EXOC5: variants seen among roughly 807,000 people sequenced by gnomAD.
EXOC5 encodes exocyst complex component 5.
Under a neutral mutation model 90.8 loss-of-function variants are expected in EXOC5, and 17 were observed. That is an observed-to-expected ratio of 0.19 (90% CI 0.13 to 0.28). The LOEUF is 0.28. EXOC5 is among the 10% of genes least tolerant of loss of function. The pLI is 1.00. For missense variants in EXOC5, 569 were observed against 830.6 expected (o/e 0.69, Z 3.87); for synonymous variants, 260 against 270.0 (o/e 0.96, Z 0.36).
Position 57,209,710 on chromosome 14 carries a change from C to T in EXOC5, c.1795G>A (p.Val599Met), listed in dbSNP as rs748684300. 2 of 1,613,012 alleles carry T rather than the reference C, an allele frequency of 1.2e-6. No homozygotes were observed. The highest frequency in any genetic ancestry group is 1.7e-6 in the Non-Finnish European group (2 of 1,179,354). The change falls in exon 17 of 18, where the codon GTG becomes ATG. Residue 599 changes from valine (V) to methionine (M), a missense_variant. Val to Met is a conservative substitution (Grantham distance 21, BLOSUM62 1). Coordinates refer to ENST00000621441, the MANE Select transcript of EXOC5 (RefSeq NM_006544.4). ...KIKNSMDGKN[V>M]DTVLMELGVR... ...CCAAGTTCCATCAAAACTGTATCCA[C>T]ATTCTTCCCATCCATGGAATTTTTA...
chr14:57,249,343 T>A (rs1884120446), intron 1 of EXOC5, among the ~76,000 whole-genome samples: 2 of 152,208 alleles, frequency 1.3e-5, no homozygotes, highest in Non-Finnish European at 2.9e-5. Context: ...GTATACTTAA[T>A]AATCTTAGTT....
chr14:57,224,380 G>T (rs1333802420), intron 12 of EXOC5, among the ~76,000 whole-genome samples: 1 of 152,060 alleles, frequency 6.6e-6, no homozygotes, highest in Non-Finnish European at 1.5e-5. Flanking sequence ...CTAATATTAG[G>T]AAAGTGGTGA....
In EXOC5 at chr14:57,253,832, C is replaced by T. The variant is rs8018266; in HGVS notation, c.28-6120G>A. On this transcript the variant is annotated intron_variant, in intron 1 of 17. Transcript: ENST00000621441. Reference sequence around the variant, plus strand: ...ATGCAAAAGCATCCTTACCTAACACCAAACAAAAATTAACTAAAAATGTCT... The same window carrying T: ...ATGCAAAAGCATCCTTACCTAACACTAAACAAAAATTAACTAAAAATGTCT... Among the ~76,000 whole-genome samples the T allele has an allele frequency of 7.7e-3, 1,170 of 152,162 alleles. 18 individuals are homozygous for T. The highest frequency in any genetic ancestry group is 0.026 in the African/African-American group (1,088 of 41,520).
chr14:57,222,213 C>A (rs1307990225), intron 13 of EXOC5, 95 bp downstream of exon 13: 6 of 593,722 alleles, frequency 1.0e-5, no homozygotes, highest in Non-Finnish European at 1.8e-5. Context: ...GAATTTGAGA[C>A]ACAGAGATGA....
At chr14:57,218,944 A>T (rs1032128820) in intron 14 of EXOC5, among the ~76,000 whole-genome samples, 1 of 152,022 alleles carries the variant, frequency 6.6e-6, no homozygotes, top group Non-Finnish European at 1.5e-5. Context: ...AATTTTTTGT[A>T]TGTATCTTTA....
chr14:57,211,855 ACT>A (rs1415155466), intron 15 of EXOC5, among the ~76,000 whole-genome samples: 1 of 151,732 alleles, frequency 6.6e-6, no homozygotes, highest in Non-Finnish European at 1.5e-5. Flanking sequence ...CTGGGGCAAG[ACT>A]CTGTCTCCAA....
chr14:57,228,706 G>A (rs118074637), intron 12 of EXOC5, among the ~76,000 whole-genome samples: 4 of 151,670 alleles, frequency 2.6e-5, no homozygotes, highest in East Asian at 1.9e-4. Flanking sequence ...GGCCTGTTGG[G>A]GGGGTGGGGG....
At chr14:57,240,301 T>C (rs1241858502) in intron 4 of EXOC5, among the ~76,000 whole-genome samples, 2 of 151,892 alleles carry the variant, frequency 1.3e-5, no homozygotes, top group African/African-American at 4.8e-5. Flanking sequence ...ATATCTCTTG[T>C]GTGTAAAGCA....
chr14:57,210,600 T>C (rs1483000266), intron 15 of EXOC5, among the ~76,000 whole-genome samples: 1 of 152,190 alleles, frequency 6.6e-6, no homozygotes, highest in Non-Finnish European at 1.5e-5. Flanking sequence ...AACGTTTATG[T>C]TCATTGAGCC....
At chr14:57,219,166 T>A (rs1883055502) in intron 14 of EXOC5, among the ~76,000 whole-genome samples, 156 bp downstream of exon 14, 1 of 152,080 alleles carries the variant, frequency 6.6e-6, no homozygotes. Context: ...ATGTTTTATT[T>A]CCTAAGAACT....
chr14:57,239,744 T>C, intron 4 of EXOC5, 85 bp from the exon 5 acceptor site: 4 of 765,916 alleles, frequency 5.2e-6, no homozygotes, highest in Non-Finnish European at 8.4e-6. Context: ...TAGTAATATC[T>C]CCCTGCATGT....
intron 13 of EXOC5, among the ~76,000 whole-genome samples, chr14:57,220,622 A>G (rs1219757136): frequency 6.6e-6 from 1 of 151,936 alleles, no homozygotes; most frequent in Non-Finnish European, 1.5e-5. Flanking sequence ...CAACAAAGTA[A>G]GACCCCAACT....
chr14:57,222,760 C>CATATAT (rs1208085180), intron 12 of EXOC5, among the ~76,000 whole-genome samples: 14 of 147,864 alleles, frequency 9.5e-5, no homozygotes, highest in African/African-American at 3.6e-4. Context: ...CACACACACA[C>CATATAT]ACATATATAT....
At chr14:57,242,872 A>G (rs1212535212) in intron 4 of EXOC5, among the ~76,000 whole-genome samples, 1 of 152,252 alleles carries the variant, frequency 6.6e-6, no homozygotes, top group East Asian at 1.9e-4. Context: ...ACGAGCAGAT[A>G]AAGATAAATA....
At chr14:57,253,033 A>C (rs1884239241) in intron 1 of EXOC5, among the ~76,000 whole-genome samples, 1 of 152,206 alleles carries the variant, frequency 6.6e-6, no homozygotes, top group African/African-American at 2.4e-5. Context: ...TAAGCCAGGA[A>C]TAGAAAGACA....
At chr14:57,250,594 G>C (rs1286964010) in intron 1 of EXOC5, among the ~76,000 whole-genome samples, 1 of 152,110 alleles carries the variant, frequency 6.6e-6, no homozygotes, top group Admixed American at 6.5e-5. Context: ...GAACACATGG[G>C]GGCTGGGTAA....
intron 3 of EXOC5, among the ~76,000 whole-genome samples, chr14:57,245,567 G>A (rs1485713671): frequency 6.6e-6 from 1 of 152,052 alleles, no homozygotes; most frequent in Non-Finnish European, 1.5e-5. Flanking sequence ...TTTAGAAACT[G>A]TCACCTTAAC....
chr14:57,226,076 A>C (rs1883298602), intron 12 of EXOC5, among the ~76,000 whole-genome samples: 2 of 152,222 alleles, frequency 1.3e-5, no homozygotes, highest in Admixed American at 1.3e-4. Flanking sequence ...CATTTCTCTC[A>C]GGTGAGCTGA....
chr14:57,215,121 A>G (rs1410927651), intron 15 of EXOC5, among the ~76,000 whole-genome samples: 7 of 152,096 alleles, frequency 4.6e-5, no homozygotes, highest in Non-Finnish European at 1.0e-4. Flanking sequence ...AATTCCAGCT[A>G]TTTGGGAGGG....
Sources: gnomAD v4.1 joint callset for allele counts (sites outside exome capture counted in the v4.1 genomes callset) on GRCh38, gnomAD v4.1.1 for gene constraint, MANE v1.5 for transcripts, NCBI Gene and HGNC (gene_info 2026-07-23, HGNC 2026-07-21) for gene names.